The following ZNF99 variants were observed in gnomAD, a reference collection of about 807,000 sequenced individuals.
ZNF99 encodes the protein zinc finger protein 99.
ZNF99 carries 8 observed loss-of-function variants against 12.8 expected under a neutral mutation model. The observed-to-expected ratio is 0.62, with a 90% confidence interval of 0.37 to 1.13. The LOEUF (loss-of-function observed/expected upper bound fraction) is 1.13. ZNF99 is among the 50% of genes most tolerant of loss of function. ZNF99 has a pLI of 0.02. For synonymous variants in ZNF99, 318 were observed against 319.0 expected, an observed-to-expected ratio of 1.00 and a Z score of 0.03; for missense variants, 1,007 against 1,006.2, an observed-to-expected ratio of 1.00 and a Z score of -0.01.
rs753793675 is a variant in ZNF99 at position 22,759,293 on chromosome 19, G to A, written c.616C>T (p.Arg206Cys). ...GAGAACCATTTAAAGGCTTTGCCAC[G>A]TTCTTCACATTTGTAGATATTCTCT... ...TRENIYKCEE[R>C]GKAFKWFSTL... Residue 206 changes from arginine to cysteine, a missense_variant, in exon 4 of 4, where the codon CGT becomes TGT. Physicochemically the swap from Arg to Cys is radical, Grantham distance 180. Transcript: ENST00000596209. The A allele has an allele frequency of 1.3e-4, 197 of 1,549,650 alleles. No homozygotes were observed. Among genetic ancestry groups the A allele is most frequent in the East Asian group, 1.0e-3 (42 of 41,044 alleles).
At position 22,774,848 on chromosome 19, in the gene ZNF99, C is replaced by T. The variant is rs570681654; in HGVS notation, c.4-5524G>A. ...TTGTGCCATTGCACTCCAGCCTGGG[C>T]GACAGAGCGAGGATCTGACTCAAAA... On this transcript the variant is annotated intron_variant, in intron 1 of 3. Coordinates refer to ENST00000596209, the MANE Select transcript of ZNF99 (RefSeq NM_001080409.3). Among the ~76,000 whole-genome samples, 243 of 151,462 alleles carry T rather than the reference C, an allele frequency of 1.6e-3. 1 individual carries two copies. The highest frequency in any genetic ancestry group is 5.4e-3 in the African/African-American group (221 of 41,228).
At chr19:22,759,827 T>A (rs1973130954) in intron 3 of ZNF99, 145 bp from the exon 4 acceptor site, 4 of 564,396 alleles carry the variant, frequency 7.1e-6, no homozygotes, top group Non-Finnish European at 1.2e-5. Context: ...CATAGACATA[T>A]AAATGTAATA....
rs1234777770 is a variant in ZNF99 at position 22,753,908 on chromosome 19, A to T, written c.*3406T>A. On this transcript the variant is annotated 3_prime_UTR_variant, in exon 4 of 4. Coordinates refer to ENST00000596209, the MANE Select transcript of ZNF99 (RefSeq NM_001080409.3). ...TAGCTTATACTCAAGTGTGACAACC[A>T]TTTAAAGGCTTTGTGACATGACTCA... 2.8e-6 allele frequency: 1 copy of T among 359,360 alleles called. No individual in the cohort carries two copies. The highest frequency in any genetic ancestry group is 5.6e-6 in the Non-Finnish European group (1 of 179,190). 22.3% of individuals were successfully genotyped at this position (359,360 alleles called of 1,614,324 possible).
rs1239651499 is a variant in ZNF99 at position 22,753,408 on chromosome 19, T to C, written c.*3906A>G. 6.0e-5 allele frequency: 9 copies of C among 150,422 alleles called. No individual in the cohort carries two copies. The highest frequency in any genetic ancestry group is 2.3e-4 in the African/African-American group (9 of 39,856). 9.3% of individuals were successfully genotyped at this position (150,422 alleles called of 1,614,324 possible). A position where few individuals can be genotyped will look rare whatever the true frequency, so the allele number is the denominator to read the frequency against. On this transcript the variant is annotated 3_prime_UTR_variant, in exon 4 of 4. Transcript: ENST00000596209. ...TTAATTTTGGATTGAATATTTTTCA[T>C]ATTTACTGCATCTACAAAAAAAACT... is the stretch of plus-strand genomic sequence containing the variant.
chr19:22,777,618 C>T (rs1973343789), intron 1 of ZNF99, among the ~76,000 whole-genome samples: 1 of 152,146 alleles, frequency 6.6e-6, no homozygotes, highest in African/African-American at 2.4e-5. Context: ...GGCCCAGGTA[C>T]GGCTCTACTC....
chr19:22,771,048 C>T lies in ZNF99; in HGVS notation c.4-1724G>A, dbSNP rs147724936. 1,353 of 151,550 alleles carry T rather than the reference C, an allele frequency of 8.9e-3. 11 individuals carry two copies. Among genetic ancestry groups the T allele is most frequent in the Non-Finnish European group, 0.014 (970 of 68,132 alleles). 9.4% of individuals were successfully genotyped at this position (151,550 alleles called of 1,614,324 possible). A position where few individuals can be genotyped will look rare whatever the true frequency, so the allele number is the denominator to read the frequency against. On this transcript the variant is annotated intron_variant, in intron 1 of 3. Transcript: ENST00000596209. ...CCACCTCCCGGGTTCAAGCGATTCT[C>T]CTGCCTCAGCCTCCCGAGTAGCTGA...
In ZNF99 at chr19:22,752,218, G is replaced by C. The variant is rs532615699; in HGVS notation, c.*5096C>G. ...ATAGATTTTATTTACATTCCTATATGATTTTTATTATGACCACAAAAATGA... is the reference window on the plus strand; with the variant it reads ...ATAGATTTTATTTACATTCCTATATCATTTTTATTATGACCACAAAAATGA... On this transcript the variant is annotated 3_prime_UTR_variant, in exon 4 of 4. Coordinates refer to ENST00000596209, the MANE Select transcript of ZNF99 (RefSeq NM_001080409.3). 9.6e-4 allele frequency: 146 copies of C among 151,398 alleles called. No homozygotes were observed. Among genetic ancestry groups the C allele is most frequent in the African/African-American group, 3.4e-3 (140 of 41,308 alleles). 9.4% of individuals were successfully genotyped at this position (151,398 alleles called of 1,614,324 possible). A position where few individuals can be genotyped will look rare whatever the true frequency, so the allele number is the denominator to read the frequency against.
intron 1 of ZNF99, among the ~76,000 whole-genome samples, chr19:22,783,166 G>T (rs1312741166): frequency 6.6e-6 from 1 of 152,070 alleles, no homozygotes; most frequent in Non-Finnish European, 1.5e-5. Context: ...TGTAATCCCA[G>T]CTACTCGGGA....
chr19:22,762,665 C>T (rs1439938560), intron 3 of ZNF99, among the ~76,000 whole-genome samples: 1 of 142,884 alleles, frequency 7.0e-6, no homozygotes, highest in Non-Finnish European at 1.5e-5. Flanking sequence ...AATACCAAAA[C>T]CAGAAAAGGC....
rs767834102 is a variant in ZNF99 at position 22,756,521 on chromosome 19, C to T, written c.*793G>A. 6.9e-6 allele frequency: 11 copies of T among 1,595,598 alleles called. No individual in the cohort carries two copies. The highest frequency in any genetic ancestry group is 1.5e-5 in the African/African-American group (1 of 66,442). Reference sequence around the variant, plus strand: ...CGTGAGAAATGGCTAAAAGCTTTGCCACGTTCTTCACATTTGTAGGGTTTC... The same window carrying T: ...CGTGAGAAATGGCTAAAAGCTTTGCTACGTTCTTCACATTTGTAGGGTTTC... On this transcript the variant is annotated 3_prime_UTR_variant, in exon 4 of 4. Coordinates refer to ENST00000596209, the MANE Select transcript of ZNF99 (RefSeq NM_001080409.3).
chr19:22,762,322 C>T (rs1973158945), intron 3 of ZNF99, among the ~76,000 whole-genome samples: 1 of 152,016 alleles, frequency 6.6e-6, no homozygotes, highest in African/African-American at 2.4e-5. Flanking sequence ...ACTGACAACA[C>T]AGAAATACAA....
In ZNF99 at chr19:22,756,283, A is replaced by G; in HGVS notation, c.*1031T>C. 1 of 1,570,448 alleles carries G rather than the reference A, an allele frequency of 6.4e-7. No homozygotes were observed. Among genetic ancestry groups the G allele is most frequent in the Non-Finnish European group, 8.6e-7 (1 of 1,157,970 alleles). ...GGTTAAAAGCTTTGCCACATTCTTC[A>G]CATTTGTAGGTTTTCCCTCCAGTAT... is the stretch of plus-strand genomic sequence containing the variant. On this transcript the variant is annotated 3_prime_UTR_variant, in exon 4 of 4. Transcript: ENST00000596209.
rs1973044329 is a variant in ZNF99, at chr19:22,755,940, T to A, written c.*1374A>T. On this transcript the variant is annotated 3_prime_UTR_variant, in exon 4 of 4. Transcript: ENST00000596209. ...AGCAATGGTTAAAAGCTTTGTCACC[T>A]TTATTATATTTGTAGGGTTTTCCTC... is the stretch of plus-strand genomic sequence containing the variant. 10 of 426,434 alleles carry A rather than the reference T, an allele frequency of 2.3e-5. No homozygotes were observed. Among genetic ancestry groups the A allele is most frequent in the South Asian group, 2.2e-4 (10 of 45,824 alleles). The allele number at this position is 426,434 out of a possible 1,614,324, so 26.4% of individuals were successfully genotyped here.
intron 3 of ZNF99, among the ~76,000 whole-genome samples, chr19:22,767,483 A>G (rs1372014660): frequency 6.6e-6 from 1 of 152,180 alleles, no homozygotes; most frequent in Non-Finnish European, 1.5e-5. Context: ...TATTGGGCAC[A>G]ATATGCTTTA....
intron 3 of ZNF99, among the ~76,000 whole-genome samples, chr19:22,763,888 C>CT (rs201446630): frequency 1.3e-4 from 13 of 102,674 alleles, no homozygotes; most frequent in Non-Finnish European, 1.5e-4. Flanking sequence ...AAAGGATACT[C>CT]TTTTTTTTTT....
At position 22,758,421 on chromosome 19, in the gene ZNF99, AAGTTTTG is replaced by A. The variant is rs1973104306; in HGVS notation, c.1481_1487del (p.Ser494LeufsTer6). 6.2e-7 allele frequency: 1 copy of A among 1,604,682 alleles called. No individual in the cohort carries two copies. The highest frequency in any genetic ancestry group is 1.7e-5 in the Admixed American group (1 of 59,600). On this transcript the variant is annotated frameshift_variant, in exon 4 of 4. Transcript: ENST00000596209. LOFTEE classifies it low-confidence loss of function (END_TRUNC). ...CCATATGAATTACCTTATGTACAGT[AAGTTTTG>A]AGGACCACTTAAAAGCTTTACCACA... is the stretch of plus-strand genomic sequence containing the variant.
Position 22,769,342 on chromosome 19 carries a change from GATACATA to G in ZNF99, c.4-25_4-19del. 1 of 1,588,714 alleles carries G rather than the reference GATACATA, an allele frequency of 6.3e-7. No homozygotes were observed. On this transcript the variant is annotated intron_variant, in intron 1 of 3. Transcript: ENST00000596209. ...AACGATCCCTGAAAAACACAACAAA[GATACATA>G]TAGATTTCCCAATTGGCCATGGACA...
chr19:22,756,697 T>G lies in ZNF99; in HGVS notation c.*617A>C. On this transcript the variant is annotated 3_prime_UTR_variant, in exon 4 of 4. Coordinates refer to ENST00000596209, the MANE Select transcript of ZNF99 (RefSeq NM_001080409.3). ...ATTGTTAAAACCTTTGCCACATTCTTCACATTTGTACGGTTTCTCCCCAGT... is the reference window on the plus strand; with the variant it reads ...ATTGTTAAAACCTTTGCCACATTCTGCACATTTGTACGGTTTCTCCCCAGT... 6.8e-7 allele frequency: 1 copy of G among 1,475,200 alleles called. No individual in the cohort carries two copies. The highest frequency in any genetic ancestry group is 1.2e-5 in the South Asian group (1 of 80,274). The allele number at this position is 1,475,200 out of a possible 1,614,324, so 91.4% of individuals were successfully genotyped here.
At chr19:22,770,846 A>G (rs1973260099) in intron 1 of ZNF99, 2 of 152,178 alleles carry the variant, frequency 1.3e-5, no homozygotes, top group South Asian at 4.1e-4. Context: ...CAAGACACAG[A>G]TAACTCCCAT....
Sources: gnomAD v4.1 joint callset for allele counts (sites outside exome capture counted in the v4.1 genomes callset) on GRCh38, gnomAD v4.1.1 for gene constraint, MANE v1.5 for transcripts, NCBI Gene and HGNC (gene_info 2026-07-23, HGNC 2026-07-21) for gene names.